Variants in NAV2 observed in about 807,000 individuals in gnomAD.
The protein encoded by NAV2 is helicase, APC down-regulated 1.
In NAV2, 54 loss-of-function variants were observed where a neutral mutation model predicts 223.2. That is an observed-to-expected ratio of 0.24 (90% confidence interval 0.19 to 0.30). The LOEUF is 0.30. Among genes scored for constraint, NAV2 ranks in the 10% least tolerant of loss-of-function variants. The pLI is 1.00. For missense variants in NAV2, 2,806 were observed against 3,147.5 expected (o/e 0.89, Z 2.60); for synonymous variants, 1,279 against 1,239.3 (o/e 1.03, Z -0.67).
chr11:19,431,837 C>T (rs1223683455), intron 1 of NAV2, among the ~76,000 whole-genome samples: 1 of 152,210 alleles, frequency 6.6e-6, no homozygotes, highest in Non-Finnish European at 1.5e-5. Flanking sequence ...AAAAACACAG[C>T]TTTTGGATTT....
intron 1 of NAV2, among the ~76,000 whole-genome samples, chr11:19,432,238 T>G (rs1180541898): frequency 6.6e-6 from 1 of 151,460 alleles, no homozygotes; most frequent in Non-Finnish European, 1.5e-5. Context: ...TGAATTCACA[T>G]TCTGTGAATG....
intron 1 of NAV2, among the ~76,000 whole-genome samples, chr11:19,436,813 G>C (rs1017428512): frequency 1.3e-5 from 2 of 151,918 alleles, no homozygotes; most frequent in African/African-American, 2.4e-5. Flanking sequence ...TTCATTTCCT[G>C]GGTTAAATCT....
chr11:19,988,303 T>C (rs560627508), intron 11 of NAV2, among the ~76,000 whole-genome samples: 2 of 152,318 alleles, frequency 1.3e-5, no homozygotes, highest in South Asian at 2.1e-4. Flanking sequence ...TCAGGCTTGG[T>C]GTGACATTAG....
chr11:19,813,829 C>T (rs1398977673), intron 1 of NAV2, among the ~76,000 whole-genome samples: 3 of 152,124 alleles, frequency 2.0e-5, no homozygotes, highest in African/African-American at 4.8e-5. Flanking sequence ...GGGTCAAAGT[C>T]GGGATTCCTG....
At chr11:19,533,710 T>C (rs1212660220) in intron 1 of NAV2, among the ~76,000 whole-genome samples, 1 of 140,892 alleles carries the variant, frequency 7.1e-6, no homozygotes, top group Admixed American at 6.7e-5. Flanking sequence ...AACTATCTTT[T>C]TTTTTTTTTT....
intron 1 of NAV2, among the ~76,000 whole-genome samples, chr11:19,412,086 C>T (rs1299907315): frequency 6.6e-6 from 1 of 152,140 alleles, no homozygotes; most frequent in Non-Finnish European, 1.5e-5. Flanking sequence ...CATTCACTCC[C>T]CTGGAAAGGG....
intron 11 of NAV2, among the ~76,000 whole-genome samples, chr11:20,021,548 G>A (rs2054512448): frequency 1.3e-5 from 2 of 152,186 alleles, no homozygotes; most frequent in Admixed American, 6.5e-5. Flanking sequence ...ATATCGTAAA[G>A]ATACAGTCAG....
At chr11:20,111,234 T>C (rs2062614101) in intron 36 of NAV2, among the ~76,000 whole-genome samples, 1 of 152,208 alleles carries the variant, frequency 6.6e-6, no homozygotes, top group Non-Finnish European at 1.5e-5. Context: ...GCCCAGGTTT[T>C]AGTTTTCAAT....
At chr11:19,764,904 C>T (rs1324637555) in intron 1 of NAV2, among the ~76,000 whole-genome samples, 2 of 152,152 alleles carry the variant, frequency 1.3e-5, no homozygotes, top group African/African-American at 2.4e-5. Context: ...ATCCTTCACT[C>T]CTTTCTTTCC....
chr11:19,977,557 T>A (rs758745288), intron 10 of NAV2, among the ~76,000 whole-genome samples: 25 of 152,204 alleles, frequency 1.6e-4, no homozygotes, highest in Non-Finnish European at 2.9e-4. Flanking sequence ...AAGGTTTTGA[T>A]AAATATGCCA....
At chr11:20,003,461 C>A (rs773350658) in intron 11 of NAV2, among the ~76,000 whole-genome samples, 1 of 152,124 alleles carries the variant, frequency 6.6e-6, no homozygotes, top group Non-Finnish European at 1.5e-5. Flanking sequence ...GGTCCTCTGA[C>A]CCTGCAATAC....
chr11:19,476,488 A>C (rs995302727), intron 1 of NAV2, among the ~76,000 whole-genome samples: 1 of 152,034 alleles, frequency 6.6e-6, no homozygotes, highest in Non-Finnish European at 1.5e-5. Flanking sequence ...TTACCAACTG[A>C]TCTGATCCTA....
chr11:19,833,737 G>T (rs1373456804), intron 2 of NAV2, among the ~76,000 whole-genome samples: 1 of 152,188 alleles, frequency 6.6e-6, no homozygotes, highest in Non-Finnish European at 1.5e-5. Context: ...GCCCAGGGTT[G>T]CATTCTCATC....
intron 6 of NAV2, among the ~76,000 whole-genome samples, chr11:19,914,315 C>G (rs984885557): frequency 1.3e-5 from 2 of 152,156 alleles, no homozygotes; most frequent in Admixed American, 1.3e-4. Flanking sequence ...CTGTCGGTCA[C>G]TATTTTTGCC....
At position 19,895,201 on chromosome 11, in the gene NAV2, G is replaced by A. The variant is rs555816193; in HGVS notation, c.931+2607G>A. 2.8e-5 allele frequency among the ~76,000 whole-genome samples: 4 copies of A among 142,832 alleles called. No individual in the cohort carries two copies. In the South Asian group the frequency reaches 8.8e-4, roughly 31 times the overall value. The allele number at this position is 142,832 out of a possible 152,430, so 93.7% of individuals were successfully genotyped here. A position where few individuals can be genotyped will look rare whatever the true frequency, so the allele number is the denominator to read the frequency against. ...CTTAGCTCAGCCTGCCAAGTGGCTG[G>A]GATTACAAGTGTGCAACACCATGCC... is the stretch of plus-strand genomic sequence containing the variant. On this transcript the variant is annotated intron_variant, in intron 6 of 37. Coordinates refer to ENST00000349880, the MANE Select transcript of NAV2 (RefSeq NM_145117.5).
At chr11:19,935,781 G>A (rs1380916557) in intron 7 of NAV2, among the ~76,000 whole-genome samples, 1 of 150,596 alleles carries the variant, frequency 6.6e-6, no homozygotes, top group East Asian at 2.0e-4. Context: ...TCACAATCCT[G>A]AGAGAGCACC....
chr11:20,012,277 T>G (rs1426385574), intron 11 of NAV2, among the ~76,000 whole-genome samples: 1 of 152,242 alleles, frequency 6.6e-6, no homozygotes. Flanking sequence ...TTGAAACTAT[T>G]AGGTTGGTGC....
intron 10 of NAV2, among the ~76,000 whole-genome samples, chr11:19,960,589 T>TTTTATTTATTTA (rs5790101): frequency 0.013 from 1,863 of 141,696 alleles, 28 homozygotes; most frequent in African/African-American, 0.031. Flanking sequence ...TTTTTTAAAA[T>TTTTATTTATTTA]TTTATTTATT....
intron 1 of NAV2, among the ~76,000 whole-genome samples, chr11:19,484,127 A>AACACACACAC (rs58138697): frequency 0.043 from 6,173 of 144,752 alleles, 195 homozygotes; most frequent in South Asian, 0.086. Context: ...ACTGATCACA[A>AACACACACAC]ACACACACAC....
Sources: allele counts gnomAD v4.1 joint callset (sites outside exome capture counted in the v4.1 genomes callset), GRCh38; gene constraint gnomAD v4.1.1; transcripts MANE v1.5; gene names NCBI Gene and HGNC (gene_info 2026-07-23, HGNC 2026-07-21).